The following AKAP6 variants were observed in gnomAD, a reference collection of about 807,000 sequenced individuals.
AKAP6 encodes the protein A-kinase anchor protein 6.
AKAP6 carries 58 observed loss-of-function variants against 188.5 expected under a neutral mutation model. The ratio of observed to expected loss-of-function variants is 0.31; its 90% CI spans 0.25 to 0.38. The LOEUF (loss-of-function observed/expected upper bound fraction) is 0.38. Among genes scored for constraint, AKAP6 ranks in the 10% least tolerant of loss-of-function variants. The probability of loss-of-function intolerance (pLI) is 1.00; values close to 1 mark genes in which losing one functional copy is unlikely to be tolerated. For synonymous variants in AKAP6, 989 were observed against 998.6 expected, an observed-to-expected ratio of 0.99 and a Z score of 0.18; for missense variants, 2,710 against 2,740.0, an observed-to-expected ratio of 0.99 and a Z score of 0.24.
chr14:32,725,013 A>C (rs982885074), intron 9 of AKAP6, among the ~76,000 whole-genome samples: 2 of 150,358 alleles, frequency 1.3e-5, no homozygotes, highest in Non-Finnish European at 3.0e-5. Context: ...AAAAAAAAAA[A>C]AAAACAATTT....
At chr14:32,500,650 G>A (rs752872565) in intron 2 of AKAP6, among the ~76,000 whole-genome samples, 3 of 152,128 alleles carry the variant, frequency 2.0e-5, no homozygotes, top group Non-Finnish European at 4.4e-5. Flanking sequence ...GCTTCCCTGA[G>A]AAGTTCTGTA....
chr14:32,483,135 A>G (rs375798976), intron 2 of AKAP6, among the ~76,000 whole-genome samples: 1 of 152,238 alleles, frequency 6.6e-6, no homozygotes. Flanking sequence ...CCAATATTTT[A>G]ATGTTGCTAA....
chr14:32,334,742 A>G (rs1388287779), intron 1 of AKAP6, among the ~76,000 whole-genome samples: 13 of 152,162 alleles, frequency 8.5e-5, no homozygotes, highest in Admixed American at 7.9e-4. Context: ...CTTCTCCACG[A>G]GCACATACCG....
intron 5 of AKAP6, among the ~76,000 whole-genome samples, chr14:32,582,821 C>G (rs1342708389): frequency 1.3e-5 from 2 of 152,180 alleles, no homozygotes; most frequent in African/African-American, 4.8e-5. Context: ...AGTTCTCGAG[C>G]CTTGGCTTTC....
At chr14:32,547,923 G>A (rs1883270731) in intron 4 of AKAP6, among the ~76,000 whole-genome samples, 1 of 152,038 alleles carries the variant, frequency 6.6e-6, no homozygotes, top group South Asian at 2.1e-4. Flanking sequence ...TGGGCAAAGA[G>A]ATTCACTATG....
intron 1 of AKAP6, among the ~76,000 whole-genome samples, chr14:32,353,585 A>G (rs926218276): frequency 6.6e-6 from 1 of 152,092 alleles, no homozygotes; most frequent in Non-Finnish European, 1.5e-5. Flanking sequence ...CCTATTCAAC[A>G]TAGTGTTGGA....
chr14:32,792,598 A>C (rs772871264), intron 12 of AKAP6, among the ~76,000 whole-genome samples: 10 of 152,288 alleles, frequency 6.6e-5, no homozygotes, highest in Admixed American at 2.0e-4. Flanking sequence ...TTACTGTTTG[A>C]ATATCCTTTA....
At chr14:32,563,319 G>A (rs115686018) in intron 4 of AKAP6, among the ~76,000 whole-genome samples, 8,107 of 152,114 alleles carry the variant, frequency 0.053, 263 homozygotes, top group Middle Eastern at 0.065. Context: ...TGACCTCTCC[G>A]TGCTCCAGTT....
intron 12 of AKAP6, among the ~76,000 whole-genome samples, chr14:32,797,473 G>A (rs2033805913): frequency 6.6e-6 from 1 of 152,192 alleles, no homozygotes; most frequent in South Asian, 2.1e-4. Context: ...GGATATGGAT[G>A]GAGTTGAAAG....
intron 7 of AKAP6, among the ~76,000 whole-genome samples, chr14:32,646,475 T>C (rs1289492323): frequency 6.6e-6 from 1 of 152,142 alleles, no homozygotes; most frequent in Admixed American, 6.6e-5. Flanking sequence ...AGATCTACCA[T>C]AAGCGTTATA....
At chr14:32,609,856 GTCTCTCTCTC>G (rs112327950) in intron 7 of AKAP6, among the ~76,000 whole-genome samples, 5 of 137,050 alleles carry the variant, frequency 3.6e-5, no homozygotes, top group Middle Eastern at 8.3e-3. Flanking sequence ...TATTCATGAG[GTCTCTCTCTC>G]TCTCTCTCTC....
At chr14:32,567,450 C>T (rs183301686) in intron 4 of AKAP6, among the ~76,000 whole-genome samples, 18 of 152,232 alleles carry the variant, frequency 1.2e-4, no homozygotes, top group African/African-American at 2.9e-4. Flanking sequence ...ACTGATTTGC[C>T]GCCCTGAAGC....
intron 7 of AKAP6, among the ~76,000 whole-genome samples, chr14:32,601,437 A>G (rs1232034093): frequency 4.6e-5 from 7 of 152,252 alleles, no homozygotes; most frequent in East Asian, 1.9e-4. Context: ...AAAATAACCC[A>G]TAAAACATAT....
chr14:32,806,920 G>A (rs1244034113), intron 12 of AKAP6, among the ~76,000 whole-genome samples: 1 of 151,960 alleles, frequency 6.6e-6, no homozygotes, highest in African/African-American at 2.4e-5. Context: ...TGGGCATGGT[G>A]GCTCACACTT....
chr14:32,752,900 T>C (rs2032192050), intron 11 of AKAP6, among the ~76,000 whole-genome samples: 1 of 152,220 alleles, frequency 6.6e-6, no homozygotes, highest in African/African-American at 2.4e-5. Flanking sequence ...ATTATGTGTG[T>C]GTGTGTAAGT....
chr14:32,359,562 C>CT (rs36076715), intron 1 of AKAP6, among the ~76,000 whole-genome samples: 50,125 of 143,400 alleles, frequency 0.35, 9,057 homozygotes, highest in African/African-American at 0.48. Context: ...ACTGCATAGA[C>CT]TTTTTTTTTT....
intron 2 of AKAP6, among the ~76,000 whole-genome samples, chr14:32,509,509 A>G (rs1881063806): frequency 6.6e-6 from 1 of 152,056 alleles, no homozygotes; most frequent in African/African-American, 2.4e-5. Flanking sequence ...TTTGTAAGGA[A>G]CTCACATTAT....
intron 7 of AKAP6, among the ~76,000 whole-genome samples, chr14:32,645,166 T>C (rs1887932009): frequency 6.6e-6 from 1 of 152,198 alleles, no homozygotes; most frequent in Non-Finnish European, 1.5e-5. Flanking sequence ...ATTTTGACTC[T>C]GTATATAGGA....
rs1890388552 is a variant in AKAP6, at chr14:32,696,025, G to C, written c.2915G>C (p.Trp972Ser). 6.2e-7 allele frequency: 1 copy of C among 1,612,934 alleles called. No homozygotes were observed. Among genetic ancestry groups the C allele is most frequent in the East Asian group, 2.2e-5 (1 of 44,830 alleles). Residue 972 changes from tryptophan to serine, a missense_variant, in exon 9 of 14, where the codon TGG becomes TCG. By Grantham distance (177) the Trp-to-Ser change is radical. Transcript: ENST00000280979. ...LDFDSEYQEL[W>S]DWLIDMESLV... is the part of the protein sequence containing the mutation. ...TTTGATTCAGAATATCAGGAGCTCT[G>C]GGATTGGCTGATTGACATGGAGTCC...
Sources: allele counts gnomAD v4.1 joint callset (sites outside exome capture counted in the v4.1 genomes callset), GRCh38; gene constraint gnomAD v4.1.1; transcripts MANE v1.5; gene names NCBI Gene and HGNC (gene_info 2026-07-23, HGNC 2026-07-21).